Variants in AFDN observed in about 807,000 individuals in gnomAD.
AFDN encodes afadin.
AFDN carries 68 observed loss-of-function variants against 216.6 expected under a neutral mutation model. That is an observed-to-expected ratio of 0.31 (90% CI 0.26 to 0.38). The LOEUF is 0.38. AFDN is among the 10% of genes least tolerant of loss of function. AFDN has a pLI of 1.00. For synonymous variants in AFDN, 868 were observed against 853.7 expected (o/e 1.02, Z -0.29); for missense variants, 2,136 against 2,342.0 (o/e 0.91, Z 1.82).
rs1284602312 is a variant in AFDN, at chr6:167,826,925, G to A, written c.-208G>A. The A allele has an allele frequency of 1.4e-5, 2 of 145,686 alleles. No individual in the cohort carries two copies. The highest frequency in any genetic ancestry group is 3.0e-5 in the Non-Finnish European group (2 of 66,020). The allele number at this position is 145,686 out of a possible 1,614,324, so 9.0% of individuals were successfully genotyped here. On this transcript the variant is annotated 5_prime_UTR_variant, in exon 1 of 34. Coordinates refer to ENST00000683244, the MANE Select transcript of AFDN (RefSeq NM_001386888.1). ...GGGCGCCGGGCGCACACCGGCCGGCGGGGCTGAGGCGGCGCGGCGCGGCGC... is the reference window on the plus strand; with the variant it reads ...GGGCGCCGGGCGCACACCGGCCGGCAGGGCTGAGGCGGCGCGGCGCGGCGC...
chr6:167,840,530 T>C (rs752261163), intron 1 of AFDN, among the ~76,000 whole-genome samples: 1 of 152,226 alleles, frequency 6.6e-6, no homozygotes, highest in Non-Finnish European at 1.5e-5. Flanking sequence ...AGTACCAGAA[T>C]GAAGATGACT....
Position 167,891,448 on chromosome 6 carries a change from T to TGTGG in AFDN, c.1177+420_1177+423dup, listed in dbSNP as rs1324474432. Among the ~76,000 whole-genome samples the TGTGG allele has an allele frequency of 1.1e-4, 17 of 151,246 alleles. No individual in the cohort carries two copies. The East Asian group carries it at 2.9e-3, about 26-fold the overall frequency. On this transcript the variant is annotated intron_variant, in intron 8 of 33. Transcript: ENST00000683244. ...GTGTGTGTGTGTGTGTGTGTGTGTG[T>TGTGG]GTGGCTGTTGTTTCTGATGCATGGA...
rs545026280 is a variant in AFDN, at chr6:167,957,785, C to T, written c.4834-4648C>T. Among the ~76,000 whole-genome samples the T allele has an allele frequency of 8.5e-5, 13 of 152,194 alleles. No homozygotes were observed. In the East Asian group the frequency reaches 1.9e-3, roughly 23 times the overall value. The stretch of plus-strand genomic sequence containing the variant: ...CTGCAGCTTTGCCTGGCTGCAGCCT[C>T]GAGAAGTAGCTAGTCCTTCCACCTG... On this transcript the variant is annotated intron_variant, in intron 30 of 33. Transcript: ENST00000683244.
At chr6:167,888,248 T>C (rs988927290) in intron 6 of AFDN, among the ~76,000 whole-genome samples, 1 of 152,214 alleles carries the variant, frequency 6.6e-6, no homozygotes, top group Non-Finnish European at 1.5e-5. Flanking sequence ...TATTTGTCTT[T>C]TTAAGGTAAT....
Position 167,963,081 on chromosome 6 carries a change from A to G in AFDN, c.4968+514A>G, listed in dbSNP as rs370633634. The G allele has an allele frequency of 3.3e-5, 35 of 1,068,522 alleles. No homozygotes were observed. The South Asian group carries it at 1.3e-3, about 40-fold the overall frequency. The allele number at this position is 1,068,522 out of a possible 1,614,324, so 66.2% of individuals were successfully genotyped here. ...AAAACATGATACAGGAAAATTTAGT[A>G]TGTAATCCAGTAAATATCCTAAGTT... On this transcript the variant is annotated intron_variant, in intron 31 of 33. Transcript: ENST00000683244.
intron 5 of AFDN, 86 bp downstream of exon 5, chr6:167,875,581 T>G: frequency 7.4e-7 from 1 of 1,360,216 alleles, no homozygotes; most frequent in Non-Finnish European, 1.0e-6. Flanking sequence ...TTGCTTTAAC[T>G]AAAGCAATGG....
chr6:167,964,581 CAA>C, intron 31 of AFDN: 1 of 1,064,808 alleles, frequency 9.4e-7, no homozygotes, highest in Non-Finnish European at 1.1e-6. Flanking sequence ...TTTTCTCCCT[CAA>C]AAGGTGAAGG....
At chr6:167,945,728 T>G (rs1795187833) in intron 26 of AFDN, among the ~76,000 whole-genome samples, 1 of 152,226 alleles carries the variant, frequency 6.6e-6, no homozygotes, top group Non-Finnish European at 1.5e-5. Context: ...TGACTGTAAT[T>G]CACTTAAACA....
rs950978131 is a variant in AFDN, at chr6:167,966,059, C to T, written c.5257+14C>T. The T allele has an allele frequency of 3.9e-6, 6 of 1,541,412 alleles. No homozygotes were observed. The Admixed American group carries it at 7.8e-5, about 20-fold the overall frequency. On this transcript the variant is annotated intron_variant, in intron 32 of 33. Coordinates refer to ENST00000683244, the MANE Select transcript of AFDN (RefSeq NM_001386888.1). ...GCAGCCTAGCAGGTCAGGATAAGTACTCCAGCACAAGAAAGTCTCATGGGG... is the reference window on the plus strand; with the variant it reads ...GCAGCCTAGCAGGTCAGGATAAGTATTCCAGCACAAGAAAGTCTCATGGGG...
intron 1 of AFDN, among the ~76,000 whole-genome samples, chr6:167,856,361 G>A (rs973309003): frequency 1.4e-4 from 22 of 152,054 alleles, no homozygotes; most frequent in Admixed American, 1.1e-3. Flanking sequence ...CATAGCAGAC[G>A]TCCAGTGGGG....
Position 167,922,909 on chromosome 6 carries a change from T to A in AFDN, c.2962T>A (p.Phe988Ile). ...TRSPGTWTIY[F>I]EGADYESHLL... is the part of the protein sequence containing the mutation. Reference sequence around the variant, plus strand: ...TTCACCAGGTACTTGGACAATATATTTTGAAGGTGCAGATTATGAAAGTCA... The same window carrying A: ...TTCACCAGGTACTTGGACAATATATATTGAAGGTGCAGATTATGAAAGTCA... Residue 988 changes from phenylalanine to isoleucine, a missense_variant, in exon 22 of 34, where the codon TTT becomes ATT. Coordinates refer to ENST00000683244, the MANE Select transcript of AFDN (RefSeq NM_001386888.1). 1 of 1,613,416 alleles carries A rather than the reference T, an allele frequency of 6.2e-7. No homozygotes were observed. The highest frequency in any genetic ancestry group is 1.7e-4 in the Middle Eastern group (1 of 6,060).
intron 7 of AFDN, among the ~76,000 whole-genome samples, chr6:167,889,938 C>G (rs1787358524): frequency 6.6e-6 from 1 of 152,114 alleles, no homozygotes; most frequent in Non-Finnish European, 1.5e-5. Context: ...CTTCTGTAAC[C>G]CTATAGATTG....
chr6:167,971,080 CGGACCTCAG>C lies in AFDN; in HGVS notation c.*1146_*1154del. 1 of 220,136 alleles carries C rather than the reference CGGACCTCAG, an allele frequency of 4.5e-6. No individual in the cohort carries two copies. Among genetic ancestry groups the C allele is most frequent in the Non-Finnish European group, 9.1e-6 (1 of 109,964 alleles). 13.6% of individuals were successfully genotyped at this position (220,136 alleles called of 1,614,324 possible). ...GGATATGTGGCTGATGTTGGGGAGA[CGGACCTCAG>C]TGTGTTTTATATTGTCTGGTGTTAA... On this transcript the variant is annotated 3_prime_UTR_variant, in exon 34 of 34. Transcript: ENST00000683244.
intron 19 of AFDN, among the ~76,000 whole-genome samples, 197 bp from the exon 20 acceptor site, chr6:167,916,892 G>A (rs1330722116): frequency 6.6e-6 from 1 of 152,130 alleles, no homozygotes; most frequent in Non-Finnish European, 1.5e-5. Context: ...CATCTAAAAA[G>A]ATGCCCTTTA....
At chr6:167,943,102 A>C (rs1303591210) in intron 23 of AFDN, 27 bp from the exon 24 acceptor site, 2 of 1,598,046 alleles carry the variant, frequency 1.3e-6, no homozygotes, top group Non-Finnish European at 1.7e-6. Context: ...TCTTCAATGC[A>C]GTGTTTTCGC....
In AFDN at chr6:167,902,302, GT is replaced by G; in HGVS notation, c.1581-11del. ...ATGTTATTAAGTCAGTGTGTTTCTT[GT>G]TTTATCCCATCAGAATTGTTCAGGA... On this transcript the variant is annotated splice_polypyrimidine_tract_variant and intron_variant, in intron 11 of 33. Coordinates refer to ENST00000683244, the MANE Select transcript of AFDN (RefSeq NM_001386888.1). The G allele has an allele frequency of 6.3e-7, 1 of 1,599,034 alleles. No individual in the cohort carries two copies. Among genetic ancestry groups the G allele is most frequent in the Non-Finnish European group, 8.6e-7 (1 of 1,167,004 alleles).
At chr6:167,858,016 T>C (rs914178014) in intron 1 of AFDN, among the ~76,000 whole-genome samples, 2 of 152,218 alleles carry the variant, frequency 1.3e-5, no homozygotes, top group African/African-American at 4.8e-5. Flanking sequence ...GTTTAAAATG[T>C]TTTTAATTGA....
chr6:167,964,839 C>G lies in AFDN; in HGVS notation c.4969-918C>G, dbSNP rs527873154. The G allele has an allele frequency of 2.5e-5, 27 of 1,065,882 alleles. No homozygotes were observed. In the African/African-American group the frequency reaches 4.1e-4, roughly 16 times the overall value. The allele number at this position is 1,065,882 out of a possible 1,614,324, so 66.0% of individuals were successfully genotyped here. ...TACTCGAGGCAGTTTATTCTGTTTG[C>G]TCTTTCATCCCCCTTCTTATTTACT... On this transcript the variant is annotated intron_variant, in intron 31 of 33. Coordinates refer to ENST00000683244, the MANE Select transcript of AFDN (RefSeq NM_001386888.1).
chr6:167,866,472 G>A (rs575056234), intron 2 of AFDN, among the ~76,000 whole-genome samples: 2 of 152,162 alleles, frequency 1.3e-5, no homozygotes, highest in Non-Finnish European at 2.9e-5. Flanking sequence ...CTAATAGTCC[G>A]TTTCATTAAG....
Sources: allele counts gnomAD v4.1 joint callset (sites outside exome capture counted in the v4.1 genomes callset), GRCh38; gene constraint gnomAD v4.1.1; transcripts MANE v1.5; gene names NCBI Gene and HGNC (gene_info 2026-07-23, HGNC 2026-07-21).